Variants in PLA2G4F observed in about 807,000 individuals in gnomAD.
PLA2G4F encodes cytosolic phospholipase A2 zeta.
In PLA2G4F, 105 loss-of-function variants were observed where a neutral mutation model predicts 103.1. The observed-to-expected ratio is 1.02, with a 90% CI of 0.87 to 1.20. PLA2G4F has a LOEUF of 1.20. Among genes scored for constraint, PLA2G4F ranks in the 50% most tolerant of loss-of-function variants. The probability of loss-of-function intolerance (pLI) is 0.00; values close to 1 mark genes in which losing one functional copy is unlikely to be tolerated. For missense variants in PLA2G4F, 1,155 were observed against 1,075.9 expected (o/e 1.07, Z -1.03); for synonymous variants, 468 against 441.1 (o/e 1.06, Z -0.76).
In PLA2G4F at chr15:42,143,949, G is replaced by A. The variant is rs8029635; in HGVS notation, c.2142+29C>T. The A allele has an allele frequency of 6.1e-3, 9,532 of 1,572,580 alleles. 452 individuals carry two copies. The African/African-American group carries it at 0.11, about 18-fold the overall frequency. On this transcript the variant is annotated intron_variant, in intron 18 of 19. Transcript: ENST00000397272. Reference sequence around the variant, plus strand: ...CCCTTTCTGTCCACTCACTGCAGGTGCTCCCCACATCCCTGCCTCCCAGCT... The same window carrying A: ...CCCTTTCTGTCCACTCACTGCAGGTACTCCCCACATCCCTGCCTCCCAGCT...
chr15:42,152,582 C>G (rs2048971619), intron 7 of PLA2G4F, 106 bp downstream of exon 7: 1 of 1,170,410 alleles, frequency 8.5e-7, no homozygotes, highest in Non-Finnish European at 1.2e-6. Context: ...CGGCTTTGAG[C>G]AATGAAAACT....
At position 42,150,265 on chromosome 15, in the gene PLA2G4F, C is replaced by A. The variant is rs1379596470; in HGVS notation, c.885+108G>T. 3 of 1,541,418 alleles carry A rather than the reference C, an allele frequency of 1.9e-6. No homozygotes were observed. In the East Asian group the frequency reaches 7.0e-5, roughly 36 times the overall value. ...GCCCGATGTGGACATCATAACTGAC[C>A]TCTGGACTGACCTGATCCAGCCACC... On this transcript the variant is annotated intron_variant, in intron 9 of 19. Transcript: ENST00000397272.
chr15:42,141,141 C>A lies in PLA2G4F; in HGVS notation c.*843G>T. 1 of 429,450 alleles carries A rather than the reference C, an allele frequency of 2.3e-6. No individual in the cohort carries two copies. The highest frequency in any genetic ancestry group is 4.8e-6 in the Non-Finnish European group (1 of 210,254). 26.6% of individuals were successfully genotyped at this position (429,450 alleles called of 1,614,324 possible). Reference sequence around the variant, plus strand: ...CAGGAACTTGCACACCCTCCTGCCCCACATACAGGTGCACACCTCTCCCCC... The same window carrying A: ...CAGGAACTTGCACACCCTCCTGCCCAACATACAGGTGCACACCTCTCCCCC... On this transcript the variant is annotated 3_prime_UTR_variant, in exon 20 of 20. Transcript: ENST00000397272.
At chr15:42,146,895 C>A (rs866870048) in intron 13 of PLA2G4F, 12 of 524,758 alleles carry the variant, frequency 2.3e-5, no homozygotes, top group Non-Finnish European at 4.1e-5. Context: ...TTCTAATATG[C>A]ACCCAGAGCT....
rs920825916 is a variant in PLA2G4F, at chr15:42,140,912, G to A, written c.*1072C>T. 3 of 264,732 alleles carry A rather than the reference G, an allele frequency of 1.1e-5. No individual in the cohort carries two copies. Among genetic ancestry groups the A allele is most frequent in the Non-Finnish European group, 1.5e-5 (2 of 131,736 alleles). The allele number at this position is 264,732 out of a possible 1,614,324, so 16.4% of individuals were successfully genotyped here. ...CAGATGGAGAGGGCCTGGCCAGAAC[G>A]GGATCTCCTCTTCACGAATCTGAGG... On this transcript the variant is annotated 3_prime_UTR_variant, in exon 20 of 20. Coordinates refer to ENST00000397272, the MANE Select transcript of PLA2G4F (RefSeq NM_213600.4).
chr15:42,144,720 G>T, intron 16 of PLA2G4F, 76 bp from the exon 17 acceptor site: 3 of 1,390,750 alleles, frequency 2.2e-6, no homozygotes, highest in Non-Finnish European at 2.9e-6. Flanking sequence ...TAGTTCAGGG[G>T]TGCCCCTCCC....
rs533703193 is a variant in PLA2G4F at position 42,144,135 on chromosome 15, G to T, written c.1985C>A (p.Pro662Gln). The T allele has an allele frequency of 6.2e-7, 1 of 1,608,950 alleles. No individual in the cohort carries two copies. ...REFVAWKDTHPDAFPNQLTPM... is the reference protein window; with the variant it reads ...REFVAWKDTHQDAFPNQLTPM... The stretch of plus-strand genomic sequence containing the variant: ...GGTGAGCTGGTTGGGGAAGGCGTCC[G>T]GGTGTGTGTCTGCAAGGAACCCATG... Residue 662 changes from proline (P) to glutamine (Q), a missense_variant, in exon 18 of 20, where the codon CCG becomes CAG. Pro to Gln is a moderately conservative substitution (Grantham distance 76). This residue lies in a region of PLA2G4F where 782 missense variants were observed against 692.9 expected (regional missense o/e 1.13). Transcript: ENST00000397272.
rs967269254 is a variant in PLA2G4F at position 42,141,072 on chromosome 15, C to T, written c.*912G>A. On this transcript the variant is annotated 3_prime_UTR_variant, in exon 20 of 20. Coordinates refer to ENST00000397272, the MANE Select transcript of PLA2G4F (RefSeq NM_213600.4). ...TCTGGGAAAGAGGCAAGAGCCCAGG[C>T]GAGGCTCCCTCTGCACTGCCCATGC... The T allele has an allele frequency of 1.4e-5, 5 of 360,108 alleles. No individual in the cohort carries two copies. The highest frequency in any genetic ancestry group is 2.2e-5 in the Non-Finnish European group (4 of 179,524). 22.3% of individuals were successfully genotyped at this position (360,108 alleles called of 1,614,324 possible).
chr15:42,155,277 G>T (rs1386521779), intron 2 of PLA2G4F, among the ~76,000 whole-genome samples: 1 of 148,290 alleles, frequency 6.7e-6, no homozygotes, highest in African/African-American at 2.6e-5. Context: ...GCACTCACAT[G>T]TTTACACCAC....
Position 42,151,507 on chromosome 15 carries a change from A to G in PLA2G4F, c.602-730T>C, listed in dbSNP as rs1024981615. 10 of 985,204 alleles carry G rather than the reference A, an allele frequency of 1.0e-5. No individual in the cohort carries two copies. In the African/African-American group the frequency reaches 1.7e-4, roughly 17 times the overall value. 61.0% of individuals were successfully genotyped at this position (985,204 alleles called of 1,614,324 possible). The stretch of plus-strand genomic sequence containing the variant: ...AGGGGGCCGCAGACAGCCTCCCAGG[A>G]GTCCCAGCCCCTAACACAACATGGA... On this transcript the variant is annotated intron_variant, in intron 7 of 19. Transcript: ENST00000397272.
intron 13 of PLA2G4F, chr15:42,146,658 G>A: frequency 4.5e-6 from 1 of 220,186 alleles, no homozygotes; most frequent in Non-Finnish European, 9.1e-6. Flanking sequence ...GGGGTGGTGG[G>A]GAGCAGCTCC....
At chr15:42,142,794 C>T (rs1278185306) in intron 18 of PLA2G4F, 80 bp from the exon 19 acceptor site, 6 of 1,416,528 alleles carry the variant, frequency 4.2e-6, no homozygotes, top group Non-Finnish European at 5.9e-6. Context: ...CACGCCCAGG[C>T]TTCAATGCCA....
chr15:42,145,469 TG>T, intron 16 of PLA2G4F, 105 bp downstream of exon 16: 1 of 1,156,890 alleles, frequency 8.6e-7, no homozygotes, highest in Non-Finnish European at 1.3e-6. Context: ...CCGAATCCAG[TG>T]GGACAGCCAA....
At chr15:42,151,474 C>T (rs889277663) in intron 7 of PLA2G4F, 2 of 985,118 alleles carry the variant, frequency 2.0e-6, no homozygotes, top group Admixed American at 1.2e-4. Context: ...CACATGACAT[C>T]CGGGCAGAGG....
Position 42,146,363 on chromosome 15 carries a change from G to A in PLA2G4F, c.1420-122C>T, listed in dbSNP as rs538210778. ...ACAAGAGAGGCTTTGGGTCGCCAAGGCCAGTGCTGTAAGGACAGCCCTCTG... is the reference window on the plus strand; with the variant it reads ...ACAAGAGAGGCTTTGGGTCGCCAAGACCAGTGCTGTAAGGACAGCCCTCTG... On this transcript the variant is annotated intron_variant, in intron 13 of 19. Transcript: ENST00000397272. 370 of 905,986 alleles carry A rather than the reference G, an allele frequency of 4.1e-4. 3 individuals are homozygous for A. Among genetic ancestry groups the A allele is most frequent in the Admixed American group, 2.1e-4 (10 of 47,684 alleles). The allele number at this position is 905,986 out of a possible 1,614,324, so 56.1% of individuals were successfully genotyped here.
At position 42,150,716 on chromosome 15, in the gene PLA2G4F, C is replaced by A. The variant is rs141327613; in HGVS notation, c.663G>T (p.Leu221=). 1.7e-5 allele frequency: 27 copies of A among 1,612,888 alleles called. No homozygotes were observed. The highest frequency in any genetic ancestry group is 2.2e-5 in the Non-Finnish European group (26 of 1,179,686). Residue 221 remains leucine, a synonymous_variant, in exon 8 of 20, where the codon CTG becomes CTT. Coordinates refer to ENST00000397272, the MANE Select transcript of PLA2G4F (RefSeq NM_213600.4). Reference sequence around the variant, plus strand: ...GGAGGCCTGGCTCTGTGGGAGGCTGCAGGGGCAAGAGCTGTGGCTTCTCGT... The same window carrying A: ...GGAGGCCTGGCTCTGTGGGAGGCTGAAGGGGCAAGAGCTGTGGCTTCTCGT... ...GAYEKPQLLP[L]QPPTEPGLPP...
intron 7 of PLA2G4F, among the ~76,000 whole-genome samples, chr15:42,152,270 C>A (rs116801522): frequency 6.6e-6 from 1 of 152,216 alleles, no homozygotes; most frequent in Admixed American, 6.5e-5. Flanking sequence ...GCTTAACAAG[C>A]GCTTACTCAG....
At chr15:42,154,752 TG>T (rs2048995883) in intron 2 of PLA2G4F, among the ~76,000 whole-genome samples, 2 of 152,250 alleles carry the variant, frequency 1.3e-5, no homozygotes, top group Admixed American at 1.3e-4. Context: ...ATCCCCTCCC[TG>T]TGTGGGCACT....
chr15:42,154,142 T>A lies in PLA2G4F; in HGVS notation c.400A>T (p.Ser134Cys). Residue 134 changes from serine (S) to cysteine (C), a missense_variant, in exon 4 of 20, where the codon AGC becomes TGC. This residue lies in a region of PLA2G4F where 370 missense variants were observed against 364.9 expected (regional missense o/e 1.01). Coordinates refer to ENST00000397272, the MANE Select transcript of PLA2G4F (RefSeq NM_213600.4). ...QLSLLLFDLR[S>C]LKCGQPHKHT... The stretch of plus-strand genomic sequence containing the variant: ...TTGTGAGGTTGGCCACACTTGAGGC[T>A]TCTCAGGTCAAACAGGAGCAGAGAG... The A allele has an allele frequency of 6.2e-7, 1 of 1,614,192 alleles. No homozygotes were observed. Among genetic ancestry groups the A allele is most frequent in the East Asian group, 2.2e-5 (1 of 44,874 alleles).
Sources: allele counts gnomAD v4.1 joint callset (sites outside exome capture counted in the v4.1 genomes callset), GRCh38; gene constraint gnomAD v4.1.1; regional missense constraint gnomAD v4.1.1; transcripts MANE v1.5; gene names NCBI Gene and HGNC (gene_info 2026-07-23, HGNC 2026-07-21).